Variants in PREX1 observed in about 807,000 individuals in gnomAD.
PREX1 encodes the protein phosphatidylinositol 3,4,5-trisphosphate-dependent Rac exchanger 1 protein.
PREX1 carries 41 observed loss-of-function variants against 198.3 expected under a neutral mutation model. That is an observed-to-expected ratio of 0.21 (90% CI 0.16 to 0.27). The LOEUF (loss-of-function observed/expected upper bound fraction) is 0.27, where lower values mean the gene tolerates loss of function less well. Among genes scored for constraint, PREX1 ranks in the 10% least tolerant of loss-of-function variants. The probability of loss-of-function intolerance (pLI) is 1.00; values close to 1 mark genes in which losing one functional copy is unlikely to be tolerated. For missense variants in PREX1, 1,620 were observed against 2,200.7 expected (o/e 0.74, Z 5.28); for synonymous variants, 843 against 887.2 (o/e 0.95, Z 0.89).
At chr20:48,761,528 C>T (rs551545108) in intron 1 of PREX1, among the ~76,000 whole-genome samples, 155 of 152,236 alleles carry the variant, frequency 1.0e-3, no homozygotes, top group Non-Finnish European at 1.6e-3. Context: ...CACCCCACCC[C>T]GCCCCGTTCC....
At chr20:48,794,019 G>A (rs532311791) in intron 1 of PREX1, among the ~76,000 whole-genome samples, 7 of 152,126 alleles carry the variant, frequency 4.6e-5, no homozygotes, top group East Asian at 1.9e-4. Flanking sequence ...TGACCTCACC[G>A]GGCTAAAGGA....
At chr20:48,877,468 T>G in the PREX1 span, among the ~76,000 whole-genome samples, 1 of 151,936 alleles carries the variant, frequency 6.6e-6, no homozygotes, top group Admixed American at 6.6e-5. Context: ...GTGGTGGCTC[T>G]CAGTGGCAAA....
At chr20:48,855,219 A>G in the PREX1 span, among the ~76,000 whole-genome samples, 1 of 152,218 alleles carries the variant, frequency 6.6e-6, no homozygotes, top group Admixed American at 6.5e-5. Flanking sequence ...TAACCAATAC[A>G]TCTTGCCTTT....
Position 48,827,218 on chromosome 20 carries a change from T to TG in PREX1, c.219+423dup, listed in dbSNP as rs1312464667. Among the ~76,000 whole-genome samples, 1 of 152,224 alleles carries TG rather than the reference T, an allele frequency of 6.6e-6. No homozygotes were observed. Among genetic ancestry groups the TG allele is most frequent in the Non-Finnish European group, 1.5e-5 (1 of 68,030 alleles). ...ATCAACGCGCAGGGACGTTGGGCTC[T>TG]GGGGCTCCTACGGTATGTCCTAGAT... On this transcript the variant is annotated intron_variant, in intron 1 of 39. Coordinates refer to ENST00000371941, the MANE Select transcript of PREX1 (RefSeq NM_020820.4). The surrounding 1 kb of genome is among the most constrained non-coding windows in gnomAD (Gnocchi z 4.1).
At chr20:48,865,473 C>T in the PREX1 span, among the ~76,000 whole-genome samples, 7 of 152,274 alleles carry the variant, frequency 4.6e-5, no homozygotes, top group Admixed American at 4.6e-4. Flanking sequence ...GAGCCCTCTT[C>T]AGCATAAACT....
chr20:48,850,470 G>A, the PREX1 span, among the ~76,000 whole-genome samples: 2 of 152,144 alleles, frequency 1.3e-5, no homozygotes, highest in African/African-American at 2.4e-5. Flanking sequence ...AAACGCTGGG[G>A]CAGAAGCCAG....
intron 5 of PREX1, among the ~76,000 whole-genome samples, chr20:48,719,830 C>A (rs1187049800): frequency 6.6e-6 from 1 of 152,154 alleles, no homozygotes; most frequent in African/African-American, 2.4e-5. Flanking sequence ...CCATCCTCCA[C>A]ACACAGCCAG....
chr20:48,697,526 G>A (rs954039599), intron 7 of PREX1, among the ~76,000 whole-genome samples: 30 of 151,964 alleles, frequency 2.0e-4, no homozygotes, highest in African/African-American at 6.0e-4. Flanking sequence ...GATTACAAGC[G>A]TGTGCCACCA....
chr20:48,678,469 C>T (rs76189576), intron 13 of PREX1, among the ~76,000 whole-genome samples: 1 of 117,260 alleles, frequency 8.5e-6, no homozygotes. Flanking sequence ...GACCCTGTCT[C>T]AAAAAAAAAA....
chr20:48,627,637 C>G (rs762172470), intron 38 of PREX1, 22 bp from the exon 39 acceptor site: 51 of 1,608,304 alleles, frequency 3.2e-5, no homozygotes, highest in Admixed American at 6.7e-5. Flanking sequence ...AACCATCAGG[C>G]AGGGGCCTCT....
chr20:48,830,438 T>G (rs1389866678), upstream of PREX1, among the ~76,000 whole-genome samples: 1 of 152,218 alleles, frequency 6.6e-6, no homozygotes, highest in Non-Finnish European at 1.5e-5. Flanking sequence ...TGAGAACCAC[T>G]GATGTAAAGT....
intron 23 of PREX1, 73 bp from the exon 24 acceptor site, chr20:48,650,279 C>T: frequency 7.0e-7 from 1 of 1,437,454 alleles, no homozygotes; most frequent in South Asian, 1.2e-5. Flanking sequence ...ACCCAGTACC[C>T]ACTTTATCCT....
chr20:48,793,129 G>A lies in PREX1; in HGVS notation c.219+34513C>T, dbSNP rs531515743. Among the ~76,000 whole-genome samples the A allele has an allele frequency of 6.6e-5, 10 of 152,124 alleles. No individual in the cohort carries two copies. The East Asian group carries it at 7.7e-4, about 12-fold the overall frequency. The stretch of plus-strand genomic sequence containing the variant: ...CTGAGGGGGGAGAATTGCTTGAACC[G>A]GAAGGCAGAGGCTACAGTGAGCTGA... On this transcript the variant is annotated intron_variant, in intron 1 of 39. Coordinates refer to ENST00000371941, the MANE Select transcript of PREX1 (RefSeq NM_020820.4).
intron 1 of PREX1, among the ~76,000 whole-genome samples, chr20:48,753,183 A>G (rs1211394613): frequency 1.3e-5 from 2 of 152,208 alleles, no homozygotes; most frequent in African/African-American, 2.4e-5. Flanking sequence ...GATGTCTGCC[A>G]TGGATGTGGC....
At chr20:48,863,947 T>C in the PREX1 span, among the ~76,000 whole-genome samples, 1 of 152,216 alleles carries the variant, frequency 6.6e-6, no homozygotes. Flanking sequence ...CATGGCTTGA[T>C]AGATCTTTTT....
chr20:48,681,214 T>A (rs756973191), intron 11 of PREX1, 21 bp downstream of exon 11: 1 of 1,608,898 alleles, frequency 6.2e-7, no homozygotes, highest in Middle Eastern at 1.7e-4. Context: ...TTGGCCCAGC[T>A]GGGCCCAGCC....
At chr20:48,879,797 G>C in the PREX1 span, among the ~76,000 whole-genome samples, 1 of 152,186 alleles carries the variant, frequency 6.6e-6, no homozygotes, top group African/African-American at 2.4e-5. Context: ...ATGGGCACCA[G>C]GCCAAGTCCT....
chr20:48,807,317 T>C (rs2090416198), intron 1 of PREX1, among the ~76,000 whole-genome samples: 1 of 152,130 alleles, frequency 6.6e-6, no homozygotes, highest in Admixed American at 6.6e-5. Context: ...TTTTTTTTTC[T>C]CTACAAAATT....
intron 1 of PREX1, among the ~76,000 whole-genome samples, chr20:48,768,124 T>C (rs1384321209): frequency 6.6e-6 from 1 of 152,148 alleles, no homozygotes. Context: ...TCCATAAGCC[T>C]CCAAGCTTCC....
Sources: allele counts gnomAD v4.1 joint callset (sites outside exome capture counted in the v4.1 genomes callset), GRCh38; gene constraint gnomAD v4.1.1; non-coding constraint Gnocchi (gnomAD v3.1); transcripts MANE v1.5; gene names NCBI Gene and HGNC (gene_info 2026-07-23, HGNC 2026-07-21).